The following ATF6 variants were observed in gnomAD, a reference collection of about 807,000 sequenced individuals.
ATF6 encodes cyclic AMP-dependent transcription factor ATF-6 alpha.
ATF6 carries 53 observed loss-of-function variants against 83.6 expected under a neutral mutation model. The ratio of observed to expected loss-of-function variants is 0.63; its 90% CI spans 0.51 to 0.80. The LOEUF is 0.80. ATF6 is among the 30% of genes least tolerant of loss of function. The pLI, the probability that ATF6 is intolerant of heterozygous loss-of-function variation, is 0.00. For synonymous variants in ATF6, 288 were observed against 285.8 expected, an observed-to-expected ratio of 1.01 and a Z score of -0.08; for missense variants, 744 against 797.9, an observed-to-expected ratio of 0.93 and a Z score of 0.81.
At chr1:161,873,612 G>C (rs1302602630) in intron 14 of ATF6, among the ~76,000 whole-genome samples, 1 of 151,582 alleles carries the variant, frequency 6.6e-6, no homozygotes, top group Admixed American at 6.6e-5. Flanking sequence ...ATAATTGTGT[G>C]ATATTTATTT....
chr1:161,770,763 A>G (rs1015777561), intron 1 of ATF6, among the ~76,000 whole-genome samples: 4 of 152,232 alleles, frequency 2.6e-5, no homozygotes, highest in African/African-American at 9.6e-5. Flanking sequence ...ACTTTTGGCA[A>G]TTATATATAA....
At chr1:161,802,313 A>T in intron 7 of ATF6, 41 bp downstream of exon 7, 1 of 1,553,240 alleles carries the variant, frequency 6.4e-7, no homozygotes, top group Non-Finnish European at 8.8e-7. Context: ...TGCCTGATTT[A>T]AAAACCAACA....
intron 15 of ATF6, among the ~76,000 whole-genome samples, chr1:161,919,076 T>C (rs987225455): frequency 6.6e-6 from 1 of 152,210 alleles, no homozygotes; most frequent in Non-Finnish European, 1.5e-5. Context: ...ATATCATCTG[T>C]GTTCTCCATG....
At chr1:161,800,025 C>T (rs1685107198) in intron 6 of ATF6, among the ~76,000 whole-genome samples, 2 of 152,046 alleles carry the variant, frequency 1.3e-5, no homozygotes, top group Admixed American at 6.6e-5. Context: ...TAGGCTCAAG[C>T]AGCTGTGGAT....
chr1:161,798,927 T>C (rs1438148687), intron 6 of ATF6, among the ~76,000 whole-genome samples: 2 of 152,196 alleles, frequency 1.3e-5, no homozygotes, highest in African/African-American at 4.8e-5. Flanking sequence ...GAATGGCTAC[T>C]ATCAAAAAGT....
chr1:161,913,206 G>T (rs1688026406), intron 15 of ATF6, among the ~76,000 whole-genome samples: 1 of 152,106 alleles, frequency 6.6e-6, no homozygotes, highest in African/African-American at 2.4e-5. Flanking sequence ...ACATAATGTA[G>T]GTACTAGTAA....
intron 15 of ATF6, among the ~76,000 whole-genome samples, chr1:161,941,545 C>T (rs1193929356): frequency 6.6e-6 from 1 of 152,196 alleles, no homozygotes; most frequent in Non-Finnish European, 1.5e-5. Context: ...TATTTGCTGT[C>T]ATAAACCAAC....
chr1:161,769,479 C>A (rs1191876248), intron 1 of ATF6, among the ~76,000 whole-genome samples: 1 of 152,064 alleles, frequency 6.6e-6, no homozygotes, highest in Non-Finnish European at 1.5e-5. Context: ...AGCCTTTTGG[C>A]ACCAGGGACT....
At chr1:161,863,448 G>A (rs1686927955) in intron 14 of ATF6, 136 bp downstream of exon 14, 2 of 598,372 alleles carry the variant, frequency 3.3e-6, no homozygotes, top group East Asian at 2.8e-5. Context: ...GAGTGGAACA[G>A]TCTAAGTACT....
chr1:161,934,266 CAG>C (rs1458612401), intron 15 of ATF6, among the ~76,000 whole-genome samples: 2 of 152,164 alleles, frequency 1.3e-5, no homozygotes, highest in Non-Finnish European at 2.9e-5. Flanking sequence ...CCTCCTCTAA[CAG>C]AGCCATTTCA....
chr1:161,907,803 T>C (rs1369403732), intron 14 of ATF6, among the ~76,000 whole-genome samples: 1 of 152,230 alleles, frequency 6.6e-6, no homozygotes, highest in African/African-American at 2.4e-5. Context: ...TTCTTTTCTT[T>C]GAGTCCAAAT....
At chr1:161,836,778 T>C (rs1318677882) in intron 9 of ATF6, among the ~76,000 whole-genome samples, 1 of 152,178 alleles carries the variant, frequency 6.6e-6, no homozygotes, top group East Asian at 1.9e-4. Flanking sequence ...TTACCTTGTA[T>C]CACTTGGCTA....
At chr1:161,928,584 C>T (rs1359785002) in intron 15 of ATF6, among the ~76,000 whole-genome samples, 1 of 151,642 alleles carries the variant, frequency 6.6e-6, no homozygotes, top group Non-Finnish European at 1.5e-5. Context: ...GCAAAGTTTG[C>T]TTCCTTTTTC....
chr1:161,772,762 TAAAA>T (rs34486834), intron 1 of ATF6, among the ~76,000 whole-genome samples: 1 of 139,336 alleles, frequency 7.2e-6, no homozygotes, highest in Non-Finnish European at 1.6e-5. Context: ...TAGCTAGAGT[TAAAA>T]AAAAAAAAAA....
At chr1:161,957,382 A>G (rs762923347) in intron 15 of ATF6, among the ~76,000 whole-genome samples, 4 of 152,204 alleles carry the variant, frequency 2.6e-5, no homozygotes, top group Non-Finnish European at 4.4e-5. Flanking sequence ...CTCAGATGCC[A>G]TATTAAGTAC....
At chr1:161,908,079 A>G (rs913491616) in intron 14 of ATF6, among the ~76,000 whole-genome samples, 2 of 152,172 alleles carry the variant, frequency 1.3e-5, no homozygotes, top group African/African-American at 2.4e-5. Context: ...AATACAATTA[A>G]TGAAAGTAGT....
At chr1:161,822,449 T>C (rs945548223) in intron 9 of ATF6, among the ~76,000 whole-genome samples, 1 of 152,128 alleles carries the variant, frequency 6.6e-6, no homozygotes, top group Non-Finnish European at 1.5e-5. Flanking sequence ...TCAGTTGTAA[T>C]CTTGGAAAGC....
chr1:161,882,412 T>C (rs1347939508), intron 14 of ATF6, among the ~76,000 whole-genome samples: 2 of 152,222 alleles, frequency 1.3e-5, no homozygotes, highest in East Asian at 3.9e-4. Context: ...AAGCCTCTTA[T>C]AAGAAAAGCT....
chr1:161,780,446 T>C (rs1684607769), intron 2 of ATF6, among the ~76,000 whole-genome samples: 1 of 151,940 alleles, frequency 6.6e-6, no homozygotes, highest in African/African-American at 2.4e-5. Flanking sequence ...CAATCTCGGC[T>C]CACTGTAAGC....
Sources: gnomAD v4.1 joint callset for allele counts (sites outside exome capture counted in the v4.1 genomes callset) on GRCh38, gnomAD v4.1.1 for gene constraint, MANE v1.5 for transcripts, NCBI Gene and HGNC (gene_info 2026-07-23, HGNC 2026-07-21) for gene names.